The following SUSD6 variants were observed in gnomAD, a reference collection of about 807,000 sequenced individuals.
SUSD6 encodes sushi domain containing 6, also known as sushi domain-containing protein 6.
SUSD6 carries 16 observed loss-of-function variants against 28.4 expected under a neutral mutation model. That is an observed-to-expected ratio of 0.56 (90% CI 0.38 to 0.86). SUSD6 has a LOEUF of 0.86. SUSD6 is among the 40% of genes least tolerant of loss of function. SUSD6 has a pLI of 0.00. For synonymous variants in SUSD6, 147 were observed against 159.6 expected (o/e 0.92, Z 0.59); for missense variants, 341 against 384.2 (o/e 0.89, Z 0.94).
chr14:69,672,329 A>G (rs548727967), intron 2 of SUSD6, among the ~76,000 whole-genome samples: 1 of 152,270 alleles, frequency 6.6e-6, no homozygotes, highest in African/African-American at 2.4e-5. Context: ...TTTTTCATGA[A>G]TAATTGGTCA....
intron 2 of SUSD6, 72 bp downstream of exon 2, chr14:69,658,785 A>G (rs1171666616): frequency 1.9e-6 from 3 of 1,596,796 alleles, no homozygotes; most frequent in Non-Finnish European, 2.6e-6. Flanking sequence ...GAAGACTAGG[A>G]CAGGGGACTC....
intron 1 of SUSD6, among the ~76,000 whole-genome samples, chr14:69,647,879 G>A (rs1885450728): frequency 1.3e-5 from 2 of 152,094 alleles, no homozygotes; most frequent in Non-Finnish European, 2.9e-5. Context: ...TAGCTAATCG[G>A]GTGGCTGAGG....
intron 2 of SUSD6, among the ~76,000 whole-genome samples, chr14:69,684,527 C>T (rs140772537): frequency 0.014 from 2,076 of 152,242 alleles, 22 homozygotes; most frequent in Middle Eastern, 0.031. Context: ...AAATTATTGC[C>T]AAGGGAGATA....
At chr14:69,639,624 A>C (rs1030316498) in intron 1 of SUSD6, among the ~76,000 whole-genome samples, 1 of 152,156 alleles carries the variant, frequency 6.6e-6, no homozygotes, top group Non-Finnish European at 1.5e-5. Context: ...GGAGTTTTGC[A>C]CCACATGTAC....
In SUSD6 at chr14:69,625,430, T is replaced by A. The variant is rs184530644; in HGVS notation, c.-81+13602T>A. Among the ~76,000 whole-genome samples, 228 of 152,336 alleles carry A rather than the reference T, an allele frequency of 1.5e-3. 4 individuals are homozygous for A. The highest frequency in any genetic ancestry group is 5.3e-3 in the African/African-American group (219 of 41,570). On this transcript the variant is annotated intron_variant, in intron 1 of 5. Coordinates refer to ENST00000342745, the MANE Select transcript of SUSD6 (RefSeq NM_014734.4). ...CTTGTCCTAAGGCTAGATGTTGGGT[T>A]AGCAGCAGAAACGGGGCTGACGCCT...
At chr14:69,613,528 C>T (rs1403098821) in intron 1 of SUSD6, among the ~76,000 whole-genome samples, 3 of 152,168 alleles carry the variant, frequency 2.0e-5, no homozygotes. Flanking sequence ...TTCAGTACTC[C>T]CAAGTAGTTA....
chr14:69,679,496 C>G (rs1157445245), intron 2 of SUSD6, among the ~76,000 whole-genome samples: 1 of 151,940 alleles, frequency 6.6e-6, no homozygotes, highest in Non-Finnish European at 1.5e-5. Flanking sequence ...GTAAAGCAAG[C>G]TTGTTCAACC....
At chr14:69,682,960 T>G (rs1886019387) in intron 2 of SUSD6, among the ~76,000 whole-genome samples, 1 of 150,822 alleles carries the variant, frequency 6.6e-6, no homozygotes, top group Admixed American at 6.6e-5. Flanking sequence ...TTTTTTTTTT[T>G]TTTTTTTTTT....
chr14:69,625,895 C>T (rs943318036), intron 1 of SUSD6, among the ~76,000 whole-genome samples: 3 of 152,200 alleles, frequency 2.0e-5, no homozygotes, highest in African/African-American at 7.2e-5. Flanking sequence ...CTCATCCTCT[C>T]CCGCTTTCAA....
Position 69,648,374 on chromosome 14 carries a change from C to T in SUSD6, c.-80-10139C>T, listed in dbSNP as rs185090147. Among the ~76,000 whole-genome samples the T allele has an allele frequency of 2.6e-5, 4 of 152,304 alleles. No individual in the cohort carries two copies. The East Asian group carries it at 7.7e-4, about 29-fold the overall frequency. On this transcript the variant is annotated intron_variant, in intron 1 of 5. Transcript: ENST00000342745. ...GTTAAAGGAGAAACACAAGTAGAAT[C>T]CAAGTCTCTTGACCTTGAGCTCAGT...
chr14:69,706,158 T>C (rs1418489584), intron 4 of SUSD6, among the ~76,000 whole-genome samples: 1 of 152,208 alleles, frequency 6.6e-6, no homozygotes. Context: ...TTAAAGGCTA[T>C]TAATTAATAG....
At chr14:69,673,200 A>G (rs921603885) in intron 2 of SUSD6, among the ~76,000 whole-genome samples, 15 of 152,212 alleles carry the variant, frequency 9.9e-5, no homozygotes, top group Non-Finnish European at 4.4e-5. Flanking sequence ...GGTTATTTGC[A>G]CTAGTGAGTT....
chr14:69,694,269 G>A (rs1440822434), intron 2 of SUSD6, among the ~76,000 whole-genome samples: 3 of 152,212 alleles, frequency 2.0e-5, no homozygotes, highest in African/African-American at 7.2e-5. Context: ...GAATAATAAA[G>A]CTGCTGTTAT....
At chr14:69,652,389 G>A (rs1885517429) in intron 1 of SUSD6, among the ~76,000 whole-genome samples, 1 of 152,114 alleles carries the variant, frequency 6.6e-6, no homozygotes, top group Non-Finnish European at 1.5e-5. Context: ...AAAGGCTGCC[G>A]TGACCCAAGA....
chr14:69,711,199 T>G lies in SUSD6; in HGVS notation c.*220T>G. 1.7e-6 allele frequency: 1 copy of G among 584,644 alleles called. No individual in the cohort carries two copies. Among genetic ancestry groups the G allele is most frequent in the South Asian group, 2.1e-5 (1 of 48,472 alleles). 36.2% of individuals were successfully genotyped at this position (584,644 alleles called of 1,614,324 possible). A position where few individuals can be genotyped will look rare whatever the true frequency, so the allele number is the denominator to read the frequency against. On this transcript the variant is annotated 3_prime_UTR_variant, in exon 6 of 6. Transcript: ENST00000342745. ...TGGACAGCTGGAGGAGCTGGCTCTT[T>G]GCCTGGCCCCGCCTTCCCATCTGTC... is the stretch of plus-strand genomic sequence containing the variant.
intron 2 of SUSD6, among the ~76,000 whole-genome samples, chr14:69,679,179 GT>G (rs1401872109): frequency 6.6e-6 from 1 of 152,080 alleles, no homozygotes; most frequent in East Asian, 1.9e-4. Flanking sequence ...TACGGCAGTG[GT>G]TTTCAAGGAC....
At chr14:69,691,607 T>C (rs1011949052) in intron 2 of SUSD6, among the ~76,000 whole-genome samples, 1 of 152,210 alleles carries the variant, frequency 6.6e-6, no homozygotes, top group Non-Finnish European at 1.5e-5. Context: ...GCAGAGGCTG[T>C]TTATTTCAGG....
At chr14:69,614,725 A>G (rs1402575000) in intron 1 of SUSD6, among the ~76,000 whole-genome samples, 1 of 152,232 alleles carries the variant, frequency 6.6e-6, no homozygotes, top group Non-Finnish European at 1.5e-5. Flanking sequence ...ATAGTGAGGT[A>G]CATACTCTTC....
At chr14:69,703,720 A>G in intron 3 of SUSD6, 128 bp downstream of exon 3, 1 of 797,086 alleles carries the variant, frequency 1.3e-6, no homozygotes, top group Non-Finnish European at 2.0e-6. Flanking sequence ...GATGCTCTGC[A>G]GCCTCCCTTC....
Sources: gnomAD v4.1 joint callset for allele counts (sites outside exome capture counted in the v4.1 genomes callset) on GRCh38, gnomAD v4.1.1 for gene constraint, MANE v1.5 for transcripts, NCBI Gene and HGNC (gene_info 2026-07-23, HGNC 2026-07-21) for gene names.